Variants in PHYHIPL observed in about 807,000 individuals in gnomAD.
PHYHIPL encodes the protein phytanoyl-CoA 2-hydroxylase interacting protein like, also known as phytanoyl-CoA hydroxylase-interacting protein-like.
A neutral mutation model predicts 33.4 loss-of-function variants in PHYHIPL; 9 were observed. That is an observed-to-expected ratio of 0.27 (90% confidence interval 0.16 to 0.47). PHYHIPL has a LOEUF of 0.47. Ranked by LOEUF, PHYHIPL falls within the 20% of genes least tolerant of loss-of-function variation. The pLI, the probability that PHYHIPL is intolerant of heterozygous loss-of-function variation, is 0.99. For missense variants in PHYHIPL, 365 were observed against 460.7 expected, an observed-to-expected ratio of 0.79 and a Z score of 1.90; for synonymous variants, 153 against 154.1, an observed-to-expected ratio of 0.99 and a Z score of 0.05.
At chr10:59,217,418 TAA>T (rs1839649377) in intron 1 of PHYHIPL, among the ~76,000 whole-genome samples, 1 of 152,016 alleles carries the variant, frequency 6.6e-6, no homozygotes, top group African/African-American at 2.4e-5. Context: ...TATATATTTT[TAA>T]GATGCAAATT....
chr10:59,201,646 T>C (rs1424313388), intron 1 of PHYHIPL, among the ~76,000 whole-genome samples: 1 of 152,186 alleles, frequency 6.6e-6, no homozygotes. Flanking sequence ...CTGTCAGTTC[T>C]TGGGCCAATC....
chr10:59,184,979 T>C (rs1327323212), intron 1 of PHYHIPL, among the ~76,000 whole-genome samples: 1 of 148,428 alleles, frequency 6.7e-6, no homozygotes. Context: ...GGACATGAAC[T>C]CATCATTTTT....
At chr10:59,236,878 T>C (rs1351202513) in intron 3 of PHYHIPL, among the ~76,000 whole-genome samples, 3 of 151,956 alleles carry the variant, frequency 2.0e-5, no homozygotes, top group Non-Finnish European at 2.9e-5. Context: ...AATCATTTTT[T>C]TCTATATCCA....
intron 1 of PHYHIPL, among the ~76,000 whole-genome samples, chr10:59,224,480 C>CAAAACAA (rs1371635482): frequency 2.0e-5 from 3 of 150,358 alleles, no homozygotes; most frequent in Non-Finnish European, 4.4e-5. Context: ...CAAAACAAAA[C>CAAAACAA]AAAACAAAAC....
chr10:59,234,013 A>G (rs1216963149), intron 1 of PHYHIPL, among the ~76,000 whole-genome samples: 1 of 151,702 alleles, frequency 6.6e-6, no homozygotes, highest in Non-Finnish European at 1.5e-5. Flanking sequence ...GGCTTAAAAC[A>G]CCTGATACTA....
rs115941444 is a variant in PHYHIPL, at chr10:59,219,833, G to A, written c.107-14471G>A. Among the ~76,000 whole-genome samples the A allele has an allele frequency of 9.5e-3, 1,443 of 152,168 alleles. 5 individuals are homozygous for A. Among genetic ancestry groups the A allele is most frequent in the Admixed American group, 0.021 (316 of 15,274 alleles). Reference sequence around the variant, plus strand: ...ATCATGTAGTAATTTCACTTCAAATGTATAGTTTCCTCAGAGTTTCTAGTT... The same window carrying A: ...ATCATGTAGTAATTTCACTTCAAATATATAGTTTCCTCAGAGTTTCTAGTT... On this transcript the variant is annotated intron_variant, in intron 1 of 4. Transcript: ENST00000373880.
intron 1 of PHYHIPL, among the ~76,000 whole-genome samples, chr10:59,200,172 A>G (rs1589268626): frequency 6.6e-6 from 1 of 152,202 alleles, no homozygotes. Context: ...TTGTCCATTC[A>G]GTATGATATT....
At chr10:59,200,334 G>T (rs1839061290) in intron 1 of PHYHIPL, among the ~76,000 whole-genome samples, 2 of 152,064 alleles carry the variant, frequency 1.3e-5, no homozygotes, top group South Asian at 4.1e-4. Flanking sequence ...TTTATCTTTG[G>T]TCCTGTTTAT....
intron 1 of PHYHIPL, among the ~76,000 whole-genome samples, chr10:59,224,023 AG>A (rs1258356516): frequency 6.6e-6 from 1 of 152,210 alleles, no homozygotes; most frequent in Non-Finnish European, 1.5e-5. Context: ...GTGAATAAAA[AG>A]TAGGTAATTA....
At chr10:59,231,815 T>G (rs1427658381) in intron 1 of PHYHIPL, among the ~76,000 whole-genome samples, 5 of 152,054 alleles carry the variant, frequency 3.3e-5, no homozygotes, top group Admixed American at 3.3e-4. Flanking sequence ...AATCAAATAT[T>G]AATTCACAAA....
intron 4 of PHYHIPL, among the ~76,000 whole-genome samples, chr10:59,242,646 C>A (rs542244209): frequency 6.6e-6 from 1 of 152,076 alleles, no homozygotes; most frequent in South Asian, 2.1e-4. Context: ...AAAAATGGTT[C>A]AAGAAGCACA....
chr10:59,189,384 A>G (rs1213271803), intron 1 of PHYHIPL, among the ~76,000 whole-genome samples: 2 of 152,090 alleles, frequency 1.3e-5, no homozygotes, highest in Non-Finnish European at 2.9e-5. Flanking sequence ...TTCATCACAG[A>G]TTGATAGTTT....
intron 1 of PHYHIPL, chr10:59,221,735 C>T: frequency 2.1e-6 from 2 of 953,684 alleles, no homozygotes; most frequent in Non-Finnish European, 2.5e-6. Flanking sequence ...CCTGGCTTCT[C>T]ATAAAAGCTC....
chr10:59,187,331 A>G (rs867252526), intron 1 of PHYHIPL, among the ~76,000 whole-genome samples: 2 of 152,172 alleles, frequency 1.3e-5, no homozygotes, highest in East Asian at 3.8e-4. Flanking sequence ...ATTATGGTGG[A>G]TGAGCTTTTT....
In PHYHIPL at chr10:59,245,101, G is replaced by C; in HGVS notation, c.641G>C (p.Ser214Thr). 6.2e-7 allele frequency: 1 copy of C among 1,613,776 alleles called. No homozygotes were observed. The highest frequency in any genetic ancestry group is 8.5e-7 in the Non-Finnish European group (1 of 1,179,874). ...NAMQPSVKDN[S>T]GSHGSPISGK... ...ATGCAGCCATCTGTCAAGGATAACA[G>C]TGGTAGCCATGGCTCTCCTATCAGT... The change falls in exon 5 of 5, where the codon AGT becomes ACT. Residue 214 changes from serine (S) to threonine (T), a missense_variant. Physicochemically the swap from Ser to Thr is moderately conservative, Grantham distance 58 (BLOSUM62 1). This residue lies in a region of PHYHIPL where 196 missense variants were observed against 224.9 expected (regional missense o/e 0.87). Coordinates refer to ENST00000373880, the MANE Select transcript of PHYHIPL (RefSeq NM_032439.4).
At chr10:59,200,797 T>G (rs2133217265) in intron 1 of PHYHIPL, among the ~76,000 whole-genome samples, 1 of 152,348 alleles carries the variant, frequency 6.6e-6, no homozygotes, top group Non-Finnish European at 1.5e-5. Flanking sequence ...AGGGTGTATG[T>G]GTCGAAGAAT....
chr10:59,209,553 G>C (rs903321660), intron 1 of PHYHIPL, among the ~76,000 whole-genome samples: 5 of 152,136 alleles, frequency 3.3e-5, no homozygotes, highest in African/African-American at 1.2e-4. Flanking sequence ...ACATCACAAA[G>C]ACAGGATCAA....
At chr10:59,231,580 G>C (rs1188781232) in intron 1 of PHYHIPL, among the ~76,000 whole-genome samples, 1 of 152,048 alleles carries the variant, frequency 6.6e-6, no homozygotes, top group Non-Finnish European at 1.5e-5. Context: ...TTTAAAAGCA[G>C]AAGCTATAGG....
intron 1 of PHYHIPL, among the ~76,000 whole-genome samples, chr10:59,182,948 C>T (rs1391747944): frequency 1.3e-5 from 2 of 152,102 alleles, no homozygotes; most frequent in Non-Finnish European, 2.9e-5. Flanking sequence ...TTTTAAACAT[C>T]CTGATGACAT....
Sources: gnomAD v4.1 joint callset for allele counts (sites outside exome capture counted in the v4.1 genomes callset) on GRCh38, gnomAD v4.1.1 for gene constraint, gnomAD v4.1.1 regional missense constraint, MANE v1.5 for transcripts, NCBI Gene and HGNC (gene_info 2026-07-23, HGNC 2026-07-21) for gene names.